NNMT: variants seen among roughly 807,000 people sequenced by gnomAD.
NNMT encodes nicotinamide N-methyltransferase.
NNMT carries 10 observed loss-of-function variants against 11.7 expected under a neutral mutation model. The observed-to-expected ratio is 0.85, with a 90% CI of 0.53 to 1.45. The LOEUF is 1.45. Among genes scored for constraint, NNMT ranks in the 40% most tolerant of loss-of-function variants. NNMT has a pLI of 0.00. For missense variants in NNMT, 381 were observed against 319.4 expected (o/e 1.19, Z -1.47); for synonymous variants, 143 against 133.8 (o/e 1.07, Z -0.48).
intron 2 of NNMT, chr11:114,298,404 C>A (rs188521095): frequency 1.9e-5 from 9 of 477,390 alleles, no homozygotes; most frequent in East Asian, 1.2e-4. Flanking sequence ...GGATACTGAG[C>A]AAAGAGGAGT....
chr11:114,288,155 T>A (rs2135262793), intron 2 of NNMT, among the ~76,000 whole-genome samples: 2 of 152,352 alleles, frequency 1.3e-5, no homozygotes, highest in East Asian at 3.9e-4. Context: ...TATATCATCA[T>A]GTTATCTGCT....
chr11:114,262,872 T>C (rs551994270), exon 2 of NNMT: 1 of 152,348 alleles, frequency 6.6e-6, no homozygotes, highest in South Asian at 2.1e-4. Context: ...TAGAGTGAGC[T>C]TCTAGTGACA....
chr11:114,304,328 T>TAGTAAA (rs1338990865), intron 2 of NNMT, among the ~76,000 whole-genome samples: 17 of 152,160 alleles, frequency 1.1e-4, no homozygotes, highest in African/African-American at 3.9e-4. Flanking sequence ...ACCCTTACAA[T>TAGTAAA]CTAGCAGGAT....
chr11:114,289,279 T>G (rs1285230711), intron 2 of NNMT, among the ~76,000 whole-genome samples: 1 of 152,190 alleles, frequency 6.6e-6, no homozygotes, highest in Admixed American at 6.5e-5. Flanking sequence ...CTTCTCTCTT[T>G]TTTGCCTTGA....
rs188515010 is a variant in NNMT at position 114,265,851 on chromosome 11, T to C, written c.-130+2917T>C. Among the ~76,000 whole-genome samples the C allele has an allele frequency of 3.9e-5, 6 of 152,282 alleles. No homozygotes were observed. In the East Asian group the frequency reaches 5.8e-4, roughly 15 times the overall value. ...GTCCAATCTGTTATTATTATTATTA[T>C]TATTCTGCACCGCCAAGTCTCCTTG... On this transcript the variant is annotated intron_variant, in intron 2 of 4. Transcript: ENST00000535401.
chr11:114,284,764 C>CT (rs11415162), intron 2 of NNMT, among the ~76,000 whole-genome samples: 52,646 of 89,326 alleles, frequency 0.59, 19,243 homozygotes, highest in East Asian at 0.86. Flanking sequence ...ACCCGGCCAT[C>CT]TTTTTTTTTT....
intron 1 of NNMT, among the ~76,000 whole-genome samples, chr11:114,260,558 G>T (rs612908): frequency 6.6e-6 from 1 of 151,954 alleles, no homozygotes; most frequent in African/African-American, 2.4e-5. Context: ...GCCCGCTCCG[G>T]GCTCCGGTGT....
At chr11:114,276,107 G>GA (rs1945211261) in intron 2 of NNMT, among the ~76,000 whole-genome samples, 2 of 142,280 alleles carry the variant, frequency 1.4e-5, no homozygotes, top group Admixed American at 7.1e-5. Context: ...GTTTCAGGCT[G>GA]CCCCCCCACC....
At chr11:114,305,210 G>A (rs549235271) in intron 2 of NNMT, among the ~76,000 whole-genome samples, 116 of 152,364 alleles carry the variant, frequency 7.6e-4, no homozygotes, top group African/African-American at 2.7e-3. Flanking sequence ...CCCTCTAGGT[G>A]TGCCAGGGCA....
In NNMT at chr11:114,313,336, C is replaced by T. The variant is rs1945572857; in HGVS notation, c.*859C>T. 6.6e-6 allele frequency: 1 copy of T among 152,038 alleles called. No homozygotes were observed. Among genetic ancestry groups the T allele is most frequent in the Admixed American group, 6.6e-5 (1 of 15,258 alleles). The allele number at this position is 152,038 out of a possible 1,614,324, so 9.4% of individuals were successfully genotyped here. On this transcript the variant is annotated 3_prime_UTR_variant, in exon 3 of 3. Transcript: ENST00000299964. ...TGTATTAAAAATACAAAAAAATTAG[C>T]TAGGTGTGGCGGCATATGCCTGTGG...
chr11:114,284,764 CTTTTTT>C (rs11415162), intron 2 of NNMT, among the ~76,000 whole-genome samples: 1 of 90,354 alleles, frequency 1.1e-5, no homozygotes, highest in South Asian at 5.4e-4. Flanking sequence ...ACCCGGCCAT[CTTTTTT>C]TTTTTTTTTT....
chr11:114,275,006 T>TA (rs1452970243), intron 2 of NNMT, among the ~76,000 whole-genome samples: 1 of 152,216 alleles, frequency 6.6e-6, no homozygotes, highest in Non-Finnish European at 1.5e-5. Context: ...AGAATTTACT[T>TA]ACCTTGCGTA....
At chr11:114,271,620 C>A (rs1443222508) in intron 2 of NNMT, among the ~76,000 whole-genome samples, 1 of 152,174 alleles carries the variant, frequency 6.6e-6, no homozygotes, top group African/African-American at 2.4e-5. Flanking sequence ...CTCCTCGTTT[C>A]TCATCATGTC....
In NNMT at chr11:114,281,281, G is replaced by T. The variant is rs556206126; in HGVS notation, c.-129-15147G>T. On this transcript the variant is annotated intron_variant, in intron 2 of 4. Coordinates refer to the NNMT transcript ENST00000535401. ...TATTAAGGCCAATCCGTGCGTTAGG[G>T]CCCATGCAAGTGGGAGGAATACAAA... 3.9e-5 allele frequency among the ~76,000 whole-genome samples: 6 copies of T among 152,156 alleles called. No homozygotes were observed. In the South Asian group the frequency reaches 8.3e-4, roughly 21 times the overall value.
intron 2 of NNMT, among the ~76,000 whole-genome samples, chr11:114,273,261 G>T (rs1287375088): frequency 6.6e-6 from 1 of 152,220 alleles, no homozygotes; most frequent in African/African-American, 2.4e-5. Flanking sequence ...TTCCAGCTTA[G>T]GCAGATGGCG....
rs1046489754 is a variant in NNMT, at chr11:114,312,103, T to A, written c.421T>A (p.Cys141Ser). The A allele has an allele frequency of 5.0e-6, 8 of 1,611,196 alleles. No individual in the cohort carries two copies. Among genetic ancestry groups the A allele is most frequent in the Non-Finnish European group, 5.9e-6 (7 of 1,178,136 alleles). The change falls in exon 3 of 3, where the codon TGT becomes AGT. Residue 141 changes from cysteine (C) to serine (S), a missense_variant. By Grantham distance (112) the Cys-to-Ser change is moderately radical (BLOSUM62 -1). Coordinates refer to ENST00000299964, the MANE Select transcript of NNMT (RefSeq NM_006169.3). ...ACAGGCGGTCAAGCAGGTGCTGAAG[T>A]GTGATGTGACTCAGAGCCAGCCACT... ...LRQAVKQVLKCDVTQSQPLGA... is the reference protein window; with the variant it reads ...LRQAVKQVLKSDVTQSQPLGA...
At position 114,278,300 on chromosome 11, in the gene NNMT, C is replaced by T. The variant is rs573094451; in HGVS notation, c.-130+15366C>T. Among the ~76,000 whole-genome samples the T allele has an allele frequency of 1.1e-4, 17 of 152,176 alleles. No homozygotes were observed. In the East Asian group the frequency reaches 1.9e-3, roughly 17 times the overall value. On this transcript the variant is annotated intron_variant, in intron 2 of 4. Coordinates refer to the NNMT transcript ENST00000535401. The stretch of plus-strand genomic sequence containing the variant: ...CTGCTCTCTTGTGAAAGAGCTCACT[C>T]GTTACTGTGAGGATGGCACTAAGCC...
At chr11:114,298,354 A>C in intron 2 of NNMT, 196 bp downstream of exon 2, 1 of 575,210 alleles carries the variant, frequency 1.7e-6, no homozygotes, top group Non-Finnish European at 3.1e-6. Context: ...GCATGTGTGC[A>C]CCAGAGTAAT....
chr11:114,274,760 C>A (rs1337450657), intron 2 of NNMT, among the ~76,000 whole-genome samples: 1 of 152,196 alleles, frequency 6.6e-6, no homozygotes. Flanking sequence ...CAAGCATATG[C>A]ATAACAGGCA....
Sources: allele counts gnomAD v4.1 joint callset (sites outside exome capture counted in the v4.1 genomes callset), GRCh38; gene constraint gnomAD v4.1.1; transcripts MANE v1.5; gene names NCBI Gene and HGNC (gene_info 2026-07-23, HGNC 2026-07-21).